Variants in DHRS7B observed in about 807,000 individuals in gnomAD.
The protein encoded by DHRS7B is peroxisomal reductase activating PPAR-gamma.
A neutral mutation model predicts 26.4 loss-of-function variants in DHRS7B; 24 were observed. The ratio of observed to expected loss-of-function variants is 0.91; its 90% CI spans 0.66 to 1.28. The LOEUF (loss-of-function observed/expected upper bound fraction) is 1.28. Among genes scored for constraint, DHRS7B ranks in the 50% most tolerant of loss-of-function variants. The probability of loss-of-function intolerance (pLI) is 0.00; values close to 1 mark genes in which losing one functional copy is unlikely to be tolerated. For synonymous variants in DHRS7B, 142 were observed against 166.4 expected (o/e 0.85, Z 1.13); for missense variants, 368 against 419.4 (o/e 0.88, Z 1.07).
rs769509461 is a variant in DHRS7B at position 21,140,538 on chromosome 17, A to ACC, written c.20+13549_20+13550dup. ...CACACACACACACACACACACACAC[A>ACC]CCCTGACACCCTATAGCTTTTACTT... On this transcript the variant is annotated intron_variant, in intron 1 of 6. Coordinates refer to ENST00000395511, the MANE Select transcript of DHRS7B (RefSeq NM_015510.5). 7.8e-3 allele frequency among the ~76,000 whole-genome samples: 1,047 copies of ACC among 134,822 alleles called. 29 individuals carry two copies. Among genetic ancestry groups the ACC allele is most frequent in the Admixed American group, 0.016 (201 of 12,860 alleles). The allele number at this position is 134,822 out of a possible 152,430, so 88.4% of individuals were successfully genotyped here.
At chr17:21,131,660 C>A (rs1227285457) in intron 1 of DHRS7B, among the ~76,000 whole-genome samples, 1 of 152,164 alleles carries the variant, frequency 6.6e-6, no homozygotes, top group African/African-American at 2.4e-5. Flanking sequence ...CTTATTTTAC[C>A]CAGCCTCTAT....
intron 5 of DHRS7B, among the ~76,000 whole-genome samples, chr17:21,187,210 C>G (rs1974657121): frequency 6.6e-6 from 1 of 151,436 alleles, no homozygotes; most frequent in Admixed American, 6.6e-5. Flanking sequence ...CCCACCAGCA[C>G]TTTGGGAGGG....
intron 2 of DHRS7B, chr17:21,172,435 C>CA (rs1974278583): frequency 3.5e-4 from 1 of 2,880 alleles, no homozygotes; most frequent in Non-Finnish European, 5.8e-4. Context: ...AGCCTGGCCC[C>CA]GGGGGTGGGG....
chr17:21,184,299 T>G, intron 4 of DHRS7B, 72 bp from the exon 5 acceptor site: 1 of 1,334,314 alleles, frequency 7.5e-7, no homozygotes, highest in Non-Finnish European at 1.1e-6. Flanking sequence ...AAAAGCAAGG[T>G]CGCCTTCCAT....
chr17:21,177,868 C>G (rs1356884473), intron 2 of DHRS7B, among the ~76,000 whole-genome samples: 1 of 152,236 alleles, frequency 6.6e-6, no homozygotes, highest in Non-Finnish European at 1.5e-5. Flanking sequence ...TAATAGCTGG[C>G]CCTCATTGAC....
intron 6 of DHRS7B, 35 bp downstream of exon 6, chr17:21,188,898 C>G: frequency 1.2e-6 from 2 of 1,613,668 alleles, no homozygotes; most frequent in South Asian, 2.2e-5. Flanking sequence ...CTATGAAAAT[C>G]TGTCGGTCAG....
chr17:21,189,808 T>C (rs756226825), intron 6 of DHRS7B, among the ~76,000 whole-genome samples: 1 of 152,232 alleles, frequency 6.6e-6, no homozygotes, highest in Non-Finnish European at 1.5e-5. Flanking sequence ...TTCCTACTTT[T>C]CTGCATTAAC....
chr17:21,188,937 A>C, intron 6 of DHRS7B, 74 bp downstream of exon 6: 1 of 1,572,840 alleles, frequency 6.4e-7, no homozygotes, highest in Non-Finnish European at 8.7e-7. Context: ...CTCTTACTTC[A>C]GTGATTCTTT....
At chr17:21,141,236 T>C (rs1189541214) in intron 1 of DHRS7B, among the ~76,000 whole-genome samples, 1 of 152,134 alleles carries the variant, frequency 6.6e-6, no homozygotes, top group Non-Finnish European at 1.5e-5. Context: ...GCCTTCTGGC[T>C]GGGAGGAGCA....
At chr17:21,145,645 G>A (rs954483741) in intron 1 of DHRS7B, among the ~76,000 whole-genome samples, 8 of 152,172 alleles carry the variant, frequency 5.3e-5, no homozygotes, top group African/African-American at 1.9e-4. Flanking sequence ...TGGTGCAAAA[G>A]TCATATGCAT....
intron 1 of DHRS7B, among the ~76,000 whole-genome samples, chr17:21,143,378 A>G (rs936958847): frequency 2.0e-5 from 3 of 152,200 alleles, no homozygotes; most frequent in Admixed American, 1.3e-4. Context: ...ACTTGCTTTT[A>G]AAGTATGATT....
chr17:21,177,355 T>C (rs1472634107), intron 2 of DHRS7B, among the ~76,000 whole-genome samples: 1 of 152,240 alleles, frequency 6.6e-6, no homozygotes, highest in Non-Finnish European at 1.5e-5. Flanking sequence ...GCAAATTCTC[T>C]TTTTGCTTTG....
At chr17:21,140,441 A>G (rs1597733155) in intron 1 of DHRS7B, among the ~76,000 whole-genome samples, 1 of 144,860 alleles carries the variant, frequency 6.9e-6, no homozygotes, top group Non-Finnish European at 1.5e-5. Context: ...TGCGGAGAGA[A>G]AAAGTTTGGG....
chr17:21,171,988 C>G (rs1974258784), intron 1 of DHRS7B, 30 bp from the exon 2 acceptor site: 2 of 1,614,036 alleles, frequency 1.2e-6, no homozygotes, highest in Middle Eastern at 1.6e-4. Context: ...GCTACTTTGT[C>G]ACTGGTGTGT....
chr17:21,140,243 C>T lies in DHRS7B; in HGVS notation c.20+13252C>T, dbSNP rs188244722. On this transcript the variant is annotated intron_variant, in intron 1 of 6. Transcript: ENST00000395511. The stretch of plus-strand genomic sequence containing the variant: ...TTCACCATGTTAGCCAGGATGGTCT[C>T]GATCTCCTGACTTCGTGATCCACCC... Among the ~76,000 whole-genome samples the T allele has an allele frequency of 2.9e-3, 446 of 151,812 alleles. 1 individual carries two copies. Among genetic ancestry groups the T allele is most frequent in the Non-Finnish European group, 4.2e-3 (288 of 67,922 alleles).
chr17:21,150,670 G>A (rs1348426719), intron 1 of DHRS7B, among the ~76,000 whole-genome samples: 1 of 152,156 alleles, frequency 6.6e-6, no homozygotes, highest in African/African-American at 2.4e-5. Flanking sequence ...AGAGCAGTAG[G>A]AGTCTGTGAC....
intron 1 of DHRS7B, chr17:21,127,235 T>TGAA (rs1355618289): frequency 8.2e-6 from 4 of 484,858 alleles, no homozygotes; most frequent in Non-Finnish European, 1.1e-5. Context: ...CGAGGTGTCT[T>TGAA]GAGTCCAGTT....
chr17:21,171,144 C>A (rs1974237122), intron 1 of DHRS7B, among the ~76,000 whole-genome samples: 1 of 152,206 alleles, frequency 6.6e-6, no homozygotes, highest in Non-Finnish European at 1.5e-5. Flanking sequence ...TCACCACGGT[C>A]CTCACCAGCT....
At position 21,142,838 on chromosome 17, in the gene DHRS7B, A is replaced by C. The variant is rs528077959; in HGVS notation, c.20+15847A>C. ...TGAGCAAAGGGATGGCTATGAATAG[A>C]ATAGGTAGATTTGTCTTGAGCAGTT... is the stretch of plus-strand genomic sequence containing the variant. On this transcript the variant is annotated intron_variant, in intron 1 of 6. Coordinates refer to ENST00000395511, the MANE Select transcript of DHRS7B (RefSeq NM_015510.5). Among the ~76,000 whole-genome samples, 1,458 of 152,324 alleles carry C rather than the reference A, an allele frequency of 9.6e-3. 33 individuals are homozygous for C. Among genetic ancestry groups the C allele is most frequent in the African/African-American group, 0.033 (1,376 of 41,570 alleles).
Sources: gnomAD v4.1 joint callset for allele counts (sites outside exome capture counted in the v4.1 genomes callset) on GRCh38, gnomAD v4.1.1 for gene constraint, MANE v1.5 for transcripts, NCBI Gene and HGNC (gene_info 2026-07-23, HGNC 2026-07-21) for gene names.